Variants in MRPS27 observed in about 807,000 individuals in gnomAD.
MRPS27 encodes the protein small ribosomal subunit protein mS27.
A neutral mutation model predicts 48.9 loss-of-function variants in MRPS27; 43 were observed. The observed-to-expected ratio is 0.88, with a 90% confidence interval of 0.69 to 1.13. The LOEUF is 1.13. Ranked by LOEUF, MRPS27 falls within the 50% of genes most tolerant of loss-of-function variation. The probability of loss-of-function intolerance (pLI) is 0.00; values close to 1 mark genes in which losing one functional copy is unlikely to be tolerated. For synonymous variants in MRPS27, 188 were observed against 171.9 expected, an observed-to-expected ratio of 1.09 and a Z score of -0.73; for missense variants, 467 against 476.3, an observed-to-expected ratio of 0.98 and a Z score of 0.18.
At chr5:72,237,044 A>G (rs1340062832) in intron 5 of MRPS27, among the ~76,000 whole-genome samples, 1 of 151,140 alleles carries the variant, frequency 6.6e-6, no homozygotes, top group Non-Finnish European at 1.5e-5. Context: ...TTGAGCCTCT[A>G]GAGTAGCTGG....
chr5:72,229,933 T>G (rs1748008838), intron 7 of MRPS27, among the ~76,000 whole-genome samples: 2 of 152,198 alleles, frequency 1.3e-5, no homozygotes, highest in African/African-American at 4.8e-5. Flanking sequence ...TTGCCCAGGC[T>G]GGAATGCAGT....
intron 5 of MRPS27, among the ~76,000 whole-genome samples, chr5:72,235,505 G>C (rs533863626): frequency 6.6e-6 from 1 of 152,220 alleles, no homozygotes. Context: ...AGGACCTTTG[G>C]GTGACAACGG....
intron 4 of MRPS27, among the ~76,000 whole-genome samples, chr5:72,241,250 C>T (rs1748343852): frequency 6.6e-6 from 1 of 152,158 alleles, no homozygotes; most frequent in South Asian, 2.1e-4. Flanking sequence ...ACCTCGGCTT[C>T]CTAAAGAGCT....
chr5:72,303,312 A>G (rs764697793), intron 2 of MRPS27, among the ~76,000 whole-genome samples: 2 of 152,226 alleles, frequency 1.3e-5, no homozygotes, highest in Non-Finnish European at 2.9e-5. Flanking sequence ...CAAAGCTGTA[A>G]AAAGTAAACA....
chr5:72,278,202 G>C (rs1475342076), intron 4 of MRPS27, among the ~76,000 whole-genome samples: 2 of 152,046 alleles, frequency 1.3e-5, no homozygotes, highest in African/African-American at 4.8e-5. Context: ...CAGCACTTTG[G>C]GAGGCCGAGG....
intron 4 of MRPS27, among the ~76,000 whole-genome samples, chr5:72,281,440 A>G (rs1164903190): frequency 6.6e-6 from 1 of 152,244 alleles, no homozygotes; most frequent in Non-Finnish European, 1.5e-5. Flanking sequence ...AGAGAAAGAA[A>G]GAAATATTTT....
rs779671415 is a variant in MRPS27 at position 72,320,124 on chromosome 5, G to A, written c.73+25C>T. On this transcript the variant is annotated intron_variant, in intron 1 of 10. Coordinates refer to ENST00000261413, the MANE Select transcript of MRPS27 (RefSeq NM_015084.3). ...TCACCCAAAAAACAGAATAATCAGG[G>A]GCCTAATGAAGCTGTCCGGCCAACC... 1.3e-5 allele frequency: 21 copies of A among 1,607,412 alleles called. 1 individual carries two copies. The highest frequency in any genetic ancestry group is 8.3e-5 in the Admixed American group (5 of 59,984).
intron 8 of MRPS27, among the ~76,000 whole-genome samples, chr5:72,226,727 T>A (rs1747910694): frequency 1.3e-5 from 2 of 151,964 alleles, no homozygotes; most frequent in Non-Finnish European, 2.9e-5. Flanking sequence ...ATCTTTCCCT[T>A]CTTTCCTTTG....
chr5:72,281,650 A>C (rs1257740725), intron 4 of MRPS27, among the ~76,000 whole-genome samples: 2 of 152,202 alleles, frequency 1.3e-5, no homozygotes, highest in African/African-American at 4.8e-5. Context: ...GCAAGATATG[A>C]AAGTAGAAGG....
At chr5:72,232,673 A>G in intron 6 of MRPS27, 115 bp from the exon 7 acceptor site, 1 of 702,890 alleles carries the variant, frequency 1.4e-6, no homozygotes, top group Non-Finnish European at 2.3e-6. Context: ...AAAATGCAGA[A>G]TTAAGAAGTA....
At chr5:72,316,334 A>C (rs1337090027) in intron 1 of MRPS27, among the ~76,000 whole-genome samples, 1 of 152,188 alleles carries the variant, frequency 6.6e-6, no homozygotes, top group Non-Finnish European at 1.5e-5. Flanking sequence ...CTCTGTGTTT[A>C]TACTAAAACC....
rs555976865 is a variant in MRPS27, at chr5:72,275,926, G to T, written c.281+19605C>A. 1.5e-4 allele frequency among the ~76,000 whole-genome samples: 23 copies of T among 152,144 alleles called. 1 individual carries two copies. The highest frequency in any genetic ancestry group is 4.3e-4 in the African/African-American group (18 of 41,500). ...TTAGTCCTCTTTCCAAATAAGGAAA[G>T]GAATGTGAGCTGGTACTGATAACGC... is the stretch of plus-strand genomic sequence containing the variant. On this transcript the variant is annotated intron_variant, in intron 4 of 10. Transcript: ENST00000261413.
chr5:72,241,533 T>G, intron 4 of MRPS27: 1 of 1,058,798 alleles, frequency 9.4e-7, no homozygotes, highest in Non-Finnish European at 1.4e-6. Context: ...ATGGCAAGTT[T>G]GAGAAGAATT....
chr5:72,278,877 AT>A (rs1749458459), intron 4 of MRPS27, among the ~76,000 whole-genome samples: 1 of 152,040 alleles, frequency 6.6e-6, no homozygotes, highest in African/African-American at 2.4e-5. Flanking sequence ...AGTCTATCAC[AT>A]TTTTCTTCTT....
At chr5:72,277,737 G>A (rs115291978) in intron 4 of MRPS27, among the ~76,000 whole-genome samples, 2,649 of 152,184 alleles carry the variant, frequency 0.017, 83 homozygotes, top group African/African-American at 0.061. Flanking sequence ...GGTACAATAC[G>A]CCATGGAGTA....
rs112738995 is a variant in MRPS27 at position 72,238,207 on chromosome 5, C to T, written c.282-79G>A. The T allele has an allele frequency of 1.6e-3, 1,427 of 902,982 alleles. 15 individuals are homozygous for T. The highest frequency in any genetic ancestry group is 0.01 in the South Asian group (749 of 71,666). The allele number at this position is 902,982 out of a possible 1,614,324, so 55.9% of individuals were successfully genotyped here. On this transcript the variant is annotated intron_variant, in intron 4 of 10. Coordinates refer to ENST00000261413, the MANE Select transcript of MRPS27 (RefSeq NM_015084.3). ...ACATCTTCCATCGATAGGTCCTTCT[C>T]TTAGATACTTACAGAGTGCAATGTG...
chr5:72,276,019 ATG>A (rs1010919437), intron 4 of MRPS27, among the ~76,000 whole-genome samples: 10 of 147,566 alleles, frequency 6.8e-5, no homozygotes, highest in South Asian at 2.4e-4. Flanking sequence ...AAGGAGAAAA[ATG>A]TGTGTGTGTG....
Position 72,228,370 on chromosome 5 carries a change from T to C in MRPS27, c.592-2A>G. On this transcript the variant is annotated splice_acceptor_variant, in intron 7 of 10. Transcript: ENST00000261413. LOFTEE classifies it high-confidence loss of function. ...ACCAAAGTTCCTCTCCTCTTCCCAC[T>C]GCAACAGAATATACTGGATCATGAT... The C allele has an allele frequency of 6.2e-7, 1 of 1,600,870 alleles. No individual in the cohort carries two copies. The highest frequency in any genetic ancestry group is 8.6e-7 in the Non-Finnish European group (1 of 1,168,838).
chr5:72,288,200 G>A (rs1186159955), intron 4 of MRPS27, among the ~76,000 whole-genome samples: 1 of 151,490 alleles, frequency 6.6e-6, no homozygotes, highest in East Asian at 1.9e-4. Context: ...AGCAGTGGAG[G>A]GCAAGAATTC....
Sources: allele counts gnomAD v4.1 joint callset (sites outside exome capture counted in the v4.1 genomes callset), GRCh38; gene constraint gnomAD v4.1.1; transcripts MANE v1.5; gene names NCBI Gene and HGNC (gene_info 2026-07-23, HGNC 2026-07-21).